PRSS38: variants seen among roughly 807,000 people sequenced by gnomAD.
PRSS38 encodes marapsin 2.
Under a neutral mutation model 26.8 loss-of-function variants are expected in PRSS38, and 22 were observed. The ratio of observed to expected loss-of-function variants is 0.82; its 90% CI spans 0.59 to 1.17. PRSS38 has a LOEUF of 1.17. Ranked by LOEUF, PRSS38 falls within the 50% of genes most tolerant of loss-of-function variation. PRSS38 has a pLI of 0.00. For synonymous variants in PRSS38, 175 were observed against 172.1 expected (o/e 1.02, Z -0.13); for missense variants, 427 against 422.7 (o/e 1.01, Z -0.09).
intron 3 of PRSS38, among the ~76,000 whole-genome samples, chr1:227,821,006 T>C (rs1664995828): frequency 6.6e-6 from 1 of 152,216 alleles, no homozygotes; most frequent in Non-Finnish European, 1.5e-5. Context: ...GCAAGATAAG[T>C]TATTTCACAA....
chr1:227,840,709 G>A (rs1665325085), intron 3 of PRSS38, among the ~76,000 whole-genome samples: 1 of 152,106 alleles, frequency 6.6e-6, no homozygotes, highest in Non-Finnish European at 1.5e-5. Flanking sequence ...TTTGAAAATT[G>A]GCATCTTCTC....
chr1:227,837,584 T>C (rs1401209362), intron 3 of PRSS38, among the ~76,000 whole-genome samples: 1 of 152,236 alleles, frequency 6.6e-6, no homozygotes, highest in Non-Finnish European at 1.5e-5. Flanking sequence ...TTGGGGAATA[T>C]AGGTACTTGT....
chr1:227,844,531 C>A (rs1027447058), intron 3 of PRSS38, among the ~76,000 whole-genome samples: 1 of 147,210 alleles, frequency 6.8e-6, no homozygotes, highest in Admixed American at 6.7e-5. Context: ...TGGTGGAGCT[C>A]CTCCCTACAT....
intron 3 of PRSS38, among the ~76,000 whole-genome samples, chr1:227,844,515 G>A (rs74140384): frequency 0.043 from 6,356 of 146,504 alleles, 185 homozygotes; most frequent in African/African-American, 0.082. Context: ...TGCTCCTTCC[G>A]GTTTGTGGTG....
At chr1:227,830,753 C>T (rs1221888343) in intron 3 of PRSS38, among the ~76,000 whole-genome samples, 1 of 151,976 alleles carries the variant, frequency 6.6e-6, no homozygotes, top group Non-Finnish European at 1.5e-5. Context: ...GATCTGCCCA[C>T]CTCGGCCCCC....
rs1389615193 is a variant in PRSS38, at chr1:227,816,933, G to A, written c.312-276G>A. Among the ~76,000 whole-genome samples the A allele has an allele frequency of 6.6e-6, 1 of 152,246 alleles. No homozygotes were observed. Among genetic ancestry groups the A allele is most frequent in the Non-Finnish European group, 1.5e-5 (1 of 68,044 alleles). Reference sequence around the variant, plus strand: ...AGGGATGTGTGCAACCAGGTTGTCAGTAAGAGTCAGAGCAGGTCTCACATG... The same window carrying A: ...AGGGATGTGTGCAACCAGGTTGTCAATAAGAGTCAGAGCAGGTCTCACATG... On this transcript the variant is annotated intron_variant, in intron 2 of 4. Coordinates refer to ENST00000366757, the Ensembl canonical transcript of PRSS38. The surrounding 1 kb of genome is among the most constrained non-coding windows in gnomAD (Gnocchi z 5.1).
rs766400911 is a variant in PRSS38 at position 227,846,153 on chromosome 1, T to C, written c.926T>C (p.Leu309Pro). The C allele has an allele frequency of 5.6e-5, 90 of 1,613,562 alleles. No homozygotes were observed. The highest frequency in any genetic ancestry group is 7.5e-5 in the Non-Finnish European group (88 of 1,180,040). Residue 309 changes from leucine to proline, a missense_variant, in exon 5 of 5, where the codon CTG becomes CCG. Leu to Pro is a moderately conservative substitution (Grantham distance 98). Coordinates refer to ENST00000366757, the Ensembl canonical transcript of PRSS38. Reference sequence around the variant, plus strand: ...CCAGCCCCTGCTCTCTCTCCAGCTCTGGGGCCCACTCTCAGCGTCCTAATG... The same window carrying C: ...CCAGCCCCTGCTCTCTCTCCAGCTCCGGGGCCCACTCTCAGCGTCCTAATG...
chr1:227,832,695 T>G (rs1665173349), intron 3 of PRSS38, among the ~76,000 whole-genome samples: 1 of 152,180 alleles, frequency 6.6e-6, no homozygotes, highest in Non-Finnish European at 1.5e-5. Flanking sequence ...AGAAATTCAC[T>G]TTGGAAATGC....
chr1:227,846,026 C>A, exon 5 of PRSS38: 1 of 1,614,168 alleles, frequency 6.2e-7, no homozygotes, highest in Non-Finnish European at 8.5e-7. Context: ...GAGCTGGGGC[C>A]GAGGCTGCTC....
chr1:227,815,694 C>T, exon 1 of PRSS38: 2 of 1,557,504 alleles, frequency 1.3e-6, no homozygotes, highest in South Asian at 1.2e-5. Context: ...TAGTCACCCG[C>T]TGGGGGCGCT....
At chr1:227,843,617 G>T (rs183008512) in intron 3 of PRSS38, among the ~76,000 whole-genome samples, 1 of 152,142 alleles carries the variant, frequency 6.6e-6, no homozygotes, top group South Asian at 2.1e-4. Context: ...CAGGAGAATC[G>T]CTTGAACCTG....
intron 3 of PRSS38, among the ~76,000 whole-genome samples, chr1:227,842,212 T>C (rs1020418258): frequency 2.0e-5 from 3 of 152,180 alleles, no homozygotes; most frequent in African/African-American, 7.2e-5. Flanking sequence ...GGCAGGCGAA[T>C]AGTGCCTGCA....
At chr1:227,821,427 A>T (rs1417643786) in intron 3 of PRSS38, among the ~76,000 whole-genome samples, 2 of 152,140 alleles carry the variant, frequency 1.3e-5, no homozygotes, top group African/African-American at 4.8e-5. Flanking sequence ...TACCTTTACC[A>T]AAGTCCTTTA....
chr1:227,821,250 T>C (rs1446795363), intron 3 of PRSS38, among the ~76,000 whole-genome samples: 1 of 152,136 alleles, frequency 6.6e-6, no homozygotes, highest in African/African-American at 2.4e-5. Flanking sequence ...TTCCATGGTA[T>C]ACATGTATCA....
intron 3 of PRSS38, among the ~76,000 whole-genome samples, chr1:227,839,835 C>T (rs1572090238): frequency 1.3e-5 from 2 of 152,162 alleles, no homozygotes; most frequent in East Asian, 1.9e-4. Flanking sequence ...GGATGTCTAC[C>T]GGGCACTTTC....
chr1:227,845,456 C>A lies in PRSS38; in HGVS notation c.584-14C>A, dbSNP rs1281853425. 6.2e-7 allele frequency: 1 copy of A among 1,601,884 alleles called. No individual in the cohort carries two copies. The highest frequency in any genetic ancestry group is 1.1e-5 in the South Asian group (1 of 90,118). On this transcript the variant is annotated splice_polypyrimidine_tract_variant and intron_variant, in intron 3 of 4. Transcript: ENST00000366757. Reference sequence around the variant, plus strand: ...AGCAGGTGCTGCCCCCTCACGGGAGCCCTCCTCCCACAGGTGAGACCTCAG... The same window carrying A: ...AGCAGGTGCTGCCCCCTCACGGGAGACCTCCTCCCACAGGTGAGACCTCAG...
At chr1:227,825,556 T>C (rs142124892) in intron 3 of PRSS38, among the ~76,000 whole-genome samples, 1 of 152,212 alleles carries the variant, frequency 6.6e-6, no homozygotes. Context: ...AATTTTTGTA[T>C]GTGGTGTAAG....
chr1:227,841,424 A>T (rs1665335884), intron 3 of PRSS38, among the ~76,000 whole-genome samples: 1 of 152,256 alleles, frequency 6.6e-6, no homozygotes. Flanking sequence ...GAACCGCAAG[A>T]CATATGGCAG....
intron 3 of PRSS38, among the ~76,000 whole-genome samples, chr1:227,827,750 TC>T (rs1297213610): frequency 6.6e-6 from 1 of 152,088 alleles, no homozygotes; most frequent in African/African-American, 2.4e-5. Flanking sequence ...GGTTTTTTGC[TC>T]TTGGTTCTCT....
Sources: gnomAD v4.1 joint callset for allele counts (sites outside exome capture counted in the v4.1 genomes callset) on GRCh38, gnomAD v4.1.1 for gene constraint, Gnocchi (gnomAD v3.1) non-coding constraint, MANE v1.5 for transcripts, NCBI Gene and HGNC (gene_info 2026-07-23, HGNC 2026-07-21) for gene names.